CASR: variants seen among roughly 807,000 people sequenced by gnomAD.
CASR encodes calcium sensing receptor, also known as extracellular calcium-sensing receptor.
Under a neutral mutation model 69.1 loss-of-function variants are expected in CASR, and 23 were observed. The observed-to-expected ratio is 0.33, with a 90% CI of 0.24 to 0.47. The LOEUF (loss-of-function observed/expected upper bound fraction) is 0.47. Among genes scored for constraint, CASR ranks in the 20% least tolerant of loss-of-function variants. The pLI is 1.00. For missense variants in CASR, 924 were observed against 1,356.1 expected, an observed-to-expected ratio of 0.68 and a Z score of 5.00; for synonymous variants, 541 against 544.7, an observed-to-expected ratio of 0.99 and a Z score of 0.10.
At chr3:122,202,755 C>T (rs1241868507) in intron 1 of CASR, among the ~76,000 whole-genome samples, 1 of 152,106 alleles carries the variant, frequency 6.6e-6, no homozygotes, top group African/African-American at 2.4e-5. Flanking sequence ...TAAAGACATT[C>T]TCCTATAATT....
chr3:122,187,688 C>G (rs1218217613), intron 1 of CASR, among the ~76,000 whole-genome samples: 2 of 152,004 alleles, frequency 1.3e-5, no homozygotes, highest in African/African-American at 4.8e-5. Flanking sequence ...AGGAGTGACA[C>G]CAGGTAGACA....
intron 4 of CASR, among the ~76,000 whole-genome samples, chr3:122,271,297 C>A (rs1359495296): frequency 6.6e-6 from 1 of 152,220 alleles, no homozygotes; most frequent in Non-Finnish European, 1.5e-5. Context: ...GCAGTTCCTG[C>A]TTTAGAGAAG....
intron 1 of CASR, among the ~76,000 whole-genome samples, chr3:122,233,510 G>A (rs537878891): frequency 3.3e-5 from 5 of 152,286 alleles, no homozygotes; most frequent in South Asian, 2.1e-4. Flanking sequence ...GGGAAGTAGC[G>A]GAGGAGAAAA....
chr3:122,204,178 C>T (rs2073984140), intron 1 of CASR, among the ~76,000 whole-genome samples: 2 of 152,100 alleles, frequency 1.3e-5, no homozygotes, highest in South Asian at 2.1e-4. Context: ...GCTGATCTAT[C>T]TAAACACTGT....
At chr3:122,213,055 A>G (rs2074084250) in intron 1 of CASR, among the ~76,000 whole-genome samples, 1 of 152,214 alleles carries the variant, frequency 6.6e-6, no homozygotes, top group Admixed American at 6.5e-5. Context: ...ATATAGTTCA[A>G]GATAGTTCTT....
chr3:122,222,503 A>G (rs1317962282), intron 1 of CASR, among the ~76,000 whole-genome samples: 1 of 152,224 alleles, frequency 6.6e-6, no homozygotes, highest in Non-Finnish European at 1.5e-5. Flanking sequence ...ATCCTTTCTT[A>G]GTAGTAGTAA....
chr3:122,244,030 G>T (rs986090598), intron 1 of CASR, among the ~76,000 whole-genome samples: 5 of 152,050 alleles, frequency 3.3e-5, no homozygotes, highest in Admixed American at 6.6e-5. Flanking sequence ...GGCTGGAGAG[G>T]GTAGTCGGGG....
At chr3:122,256,507 ATT>A (rs35581333) in intron 2 of CASR, among the ~76,000 whole-genome samples, 6,281 of 152,214 alleles carry the variant, frequency 0.041, 449 homozygotes, top group African/African-American at 0.14. Context: ...TATTGTCATT[ATT>A]GCTCTCTGTC....
At chr3:122,271,314 C>G (rs1259969282) in intron 4 of CASR, among the ~76,000 whole-genome samples, 1 of 152,202 alleles carries the variant, frequency 6.6e-6, no homozygotes, top group Non-Finnish European at 1.5e-5. Context: ...GAAGTTTGGT[C>G]TAATGAAGTG....
chr3:122,240,747 T>G (rs1299954583), intron 1 of CASR, among the ~76,000 whole-genome samples: 1 of 152,226 alleles, frequency 6.6e-6, no homozygotes, highest in Non-Finnish European at 1.5e-5. Context: ...CTCCTCAGCA[T>G]GTGGATCATT....
intron 4 of CASR, among the ~76,000 whole-genome samples, chr3:122,269,822 T>TA (rs888400850): frequency 6.7e-6 from 1 of 150,186 alleles, no homozygotes; most frequent in African/African-American, 2.5e-5. Flanking sequence ...AAGCCACCTT[T>TA]AGTTGGTTTT....
intron 4 of CASR, among the ~76,000 whole-genome samples, chr3:122,268,271 T>A (rs1001722692): frequency 6.6e-6 from 1 of 152,182 alleles, no homozygotes; most frequent in Non-Finnish European, 1.5e-5. Context: ...TAAATATTAG[T>A]CTTGAGTATT....
In CASR at chr3:122,291,031, C is replaced by T. The variant is rs1335883220; in HGVS notation, c.*5840C>T. The T allele has an allele frequency of 6.6e-6, 1 of 151,176 alleles. No homozygotes were observed. Among genetic ancestry groups the T allele is most frequent in the Admixed American group, 6.6e-5 (1 of 15,124 alleles). 9.4% of individuals were successfully genotyped at this position (151,176 alleles called of 1,614,324 possible). ...TGCTGAGAATGATGGTTTCCAGCTT[C>T]ATCCATGTCCCTACAAAGGACACGA... On this transcript the variant is annotated 3_prime_UTR_variant, in exon 7 of 7. Transcript: ENST00000639785.
At chr3:122,243,062 A>G (rs915545301) in intron 1 of CASR, among the ~76,000 whole-genome samples, 4 of 152,214 alleles carry the variant, frequency 2.6e-5, no homozygotes, top group African/African-American at 9.6e-5. Context: ...ACCTCAAACT[A>G]TGAAACTACT....
intron 5 of CASR, among the ~76,000 whole-genome samples, chr3:122,277,537 CCCCAGAGGGTGGGTT>C: frequency 6.6e-6 from 1 of 152,276 alleles, no homozygotes; most frequent in South Asian, 2.1e-4. Context: ...ATAGCTTACA[CCCCAGAGGGTGGGTT>C]CTTAATTATA....
At position 122,262,079 on chromosome 3, in the gene CASR, C is replaced by A. The variant is rs753606065; in HGVS notation, c.1044C>A (p.Ala348=). Residue 348 remains alanine (A), a synonymous_variant, in exon 4 of 7, where the codon GCC becomes GCA. Transcript: ENST00000639785. ...HPRKSVHNGF[A]KEFWEETFNC... ...GGAAGTCTGTCCACAATGGTTTTGC[C>A]AAGGAGTTTTGGGAAGAAACATTTA... is the stretch of plus-strand genomic sequence containing the variant. 17 of 1,614,022 alleles carry A rather than the reference C, an allele frequency of 1.1e-5. No individual in the cohort carries two copies. In the African/African-American group the frequency reaches 2.1e-4, roughly 20 times the overall value.
At chr3:122,258,708 TTTGA>T (rs1485287618) in intron 3 of CASR, among the ~76,000 whole-genome samples, 4 of 152,318 alleles carry the variant, frequency 2.6e-5, no homozygotes, top group Non-Finnish European at 5.9e-5. Context: ...ATAAAAGTGC[TTTGA>T]TTATCAATCA....
chr3:122,198,633 T>A (rs2073913137), intron 1 of CASR, among the ~76,000 whole-genome samples: 1 of 150,112 alleles, frequency 6.7e-6, no homozygotes, highest in Non-Finnish European at 1.5e-5. Context: ...CATTCGTGTA[T>A]TTTACAGTTA....
intron 1 of CASR, among the ~76,000 whole-genome samples, chr3:122,244,349 T>C (rs994735683): frequency 6.6e-6 from 1 of 151,860 alleles, no homozygotes; most frequent in Non-Finnish European, 1.5e-5. Context: ...AAAAGAAAGT[T>C]CATAGCAGCA....
Sources: allele counts gnomAD v4.1 joint callset (sites outside exome capture counted in the v4.1 genomes callset), GRCh38; gene constraint gnomAD v4.1.1; transcripts MANE v1.5; gene names NCBI Gene and HGNC (gene_info 2026-07-23, HGNC 2026-07-21).